PRMT2: variants seen among roughly 807,000 people sequenced by gnomAD.
PRMT2 encodes protein arginine N-methyltransferase 2.
A neutral mutation model predicts 57.6 loss-of-function variants in PRMT2; 26 were observed. The ratio of observed to expected loss-of-function variants is 0.45; its 90% CI spans 0.33 to 0.63. The LOEUF is 0.63. Ranked by LOEUF, PRMT2 falls within the 20% of genes least tolerant of loss-of-function variation. The pLI is 0.02. For missense variants in PRMT2, 472 were observed against 564.4 expected, an observed-to-expected ratio of 0.84 and a Z score of 1.66; for synonymous variants, 219 against 220.0, an observed-to-expected ratio of 1.00 and a Z score of 0.04.
chr21:46,664,551 C>T lies in PRMT2; in HGVS notation c.*224C>T, dbSNP rs374343092. 2 of 607,480 alleles carry T rather than the reference C, an allele frequency of 3.3e-6. No individual in the cohort carries two copies. Among genetic ancestry groups the T allele is most frequent in the Non-Finnish European group, 5.9e-6 (2 of 340,188 alleles). The allele number at this position is 607,480 out of a possible 1,614,324, so 37.6% of individuals were successfully genotyped here. Reference sequence around the variant, plus strand: ...GCCACCCCCGCTGCCCAGTGTCTGCCCTCTAGAAGTAGGCTGTGTTTCCAG... The same window carrying T: ...GCCACCCCCGCTGCCCAGTGTCTGCTCTCTAGAAGTAGGCTGTGTTTCCAG... On this transcript the variant is annotated 3_prime_UTR_variant, in exon 12 of 12. Coordinates refer to ENST00000355680, the MANE Select transcript of PRMT2 (RefSeq NM_206962.4).
In PRMT2 at chr21:46,649,810, A is replaced by G. The variant is rs772356526; in HGVS notation, c.654+71A>G. The G allele has an allele frequency of 1.1e-5, 18 of 1,565,874 alleles. No homozygotes were observed. The highest frequency in any genetic ancestry group is 2.4e-5 in the East Asian group (1 of 42,184). ...TCTGAGCACGGGCTCGGCTGGGCCA[A>G]CCTCAGGATCTCAAGGGTCGTGCGT... On this transcript the variant is annotated intron_variant, in intron 7 of 11. Transcript: ENST00000355680. This position sits in a 1 kb window ranked among gnomAD's most constrained non-coding sequence, Gnocchi z 4.8.
intron 3 of PRMT2, among the ~76,000 whole-genome samples, chr21:46,639,691 T>C (rs539791029): frequency 1.4e-5 from 2 of 145,122 alleles, no homozygotes; most frequent in Non-Finnish European, 3.0e-5. Flanking sequence ...TTACATAAAG[T>C]GTGTGTGTGT....
chr21:46,648,855 A>C lies in PRMT2; in HGVS notation c.489+236A>C, dbSNP rs551081025. 1.3e-5 allele frequency among the ~76,000 whole-genome samples: 2 copies of C among 152,308 alleles called. No individual in the cohort carries two copies. The highest frequency in any genetic ancestry group is 2.9e-5 in the Non-Finnish European group (2 of 68,022). On this transcript the variant is annotated intron_variant, in intron 6 of 11. Coordinates refer to ENST00000355680, the MANE Select transcript of PRMT2 (RefSeq NM_206962.4). The surrounding 1 kb of genome is among the most constrained non-coding windows in gnomAD (Gnocchi z 4.8). ...ATGAGTCGCAGACAGCACAGACGGG[A>C]GTAGGGCAGAATAGACAATATCCCG...
rs1011803112 is a variant in PRMT2 at position 46,664,500 on chromosome 21, G to A, written c.*173G>A. The stretch of plus-strand genomic sequence containing the variant: ...GTCAGGGTCCTTCACAGACAAACAC[G>A]CTTGGGCTCGGCAGGAGCTGCCGTG... On this transcript the variant is annotated 3_prime_UTR_variant, in exon 12 of 12. Transcript: ENST00000355680. 8.7e-6 allele frequency: 7 copies of A among 802,912 alleles called. No individual in the cohort carries two copies. The highest frequency in any genetic ancestry group is 5.4e-5 in the East Asian group (2 of 37,256). The allele number at this position is 802,912 out of a possible 1,614,324, so 49.7% of individuals were successfully genotyped here. A position where few individuals can be genotyped will look rare whatever the true frequency, so the allele number is the denominator to read the frequency against.
At position 46,639,088 on chromosome 21, in the gene PRMT2, C is replaced by T. The variant is rs7279185; in HGVS notation, c.39+2098C>T. Among the ~76,000 whole-genome samples, 632 of 152,196 alleles carry T rather than the reference C, an allele frequency of 4.2e-3. 4 individuals are homozygous for T. Among genetic ancestry groups the T allele is most frequent in the African/African-American group, 0.015 (604 of 41,522 alleles). On this transcript the variant is annotated intron_variant, in intron 3 of 11. Transcript: ENST00000355680. ...TCTTCAAAATATTTTCTAATATATT[C>T]AATGGAAATTAGAAGTTTTCTGGGC...
rs112879639 is a variant in PRMT2 at position 46,637,189 on chromosome 21, T to C, written c.39+199T>C. On this transcript the variant is annotated intron_variant, in intron 3 of 11. Transcript: ENST00000355680. ...AGGTGACATCCTGCATTGGGCACCATAACAATTCTAAGGAAATACTTAGCC... is the reference window on the plus strand; with the variant it reads ...AGGTGACATCCTGCATTGGGCACCACAACAATTCTAAGGAAATACTTAGCC... Among the ~76,000 whole-genome samples, 1,138 of 152,344 alleles carry C rather than the reference T, an allele frequency of 7.5e-3. 12 individuals are homozygous for C. Among genetic ancestry groups the C allele is most frequent in the Middle Eastern group, 0.014 (4 of 294 alleles).
In PRMT2 at chr21:46,638,604, T is replaced by C. The variant is rs367591599; in HGVS notation, c.39+1614T>C. 1.6e-4 allele frequency among the ~76,000 whole-genome samples: 24 copies of C among 152,332 alleles called. No homozygotes were observed. The East Asian group carries it at 4.4e-3, about 28-fold the overall frequency. On this transcript the variant is annotated intron_variant, in intron 3 of 11. Coordinates refer to ENST00000355680, the MANE Select transcript of PRMT2 (RefSeq NM_206962.4). ...TCTGTCAGTAGCCCACAATAGTGCT[T>C]ACTAACACTTGACAGTATCAGACTT...
intron 3 of PRMT2, among the ~76,000 whole-genome samples, chr21:46,638,292 T>G (rs774069059): frequency 6.6e-6 from 1 of 152,250 alleles, no homozygotes; most frequent in Non-Finnish European, 1.5e-5. Flanking sequence ...ACTCCTGTAG[T>G]GTGTTCCTTC....
In PRMT2 at chr21:46,649,757, G is replaced by A; in HGVS notation, c.654+18G>A. On this transcript the variant is annotated intron_variant, in intron 7 of 11. Coordinates refer to ENST00000355680, the MANE Select transcript of PRMT2 (RefSeq NM_206962.4). This position sits in a 1 kb window ranked among gnomAD's most constrained non-coding sequence, Gnocchi z 4.8. The stretch of plus-strand genomic sequence containing the variant: ...GCCTGCTGGTGAGGGCGGGCGTGCG[G>A]GCAGCTGGGGGCCGGAGCTGGGGGG... 1 of 1,607,406 alleles carries A rather than the reference G, an allele frequency of 6.2e-7. No individual in the cohort carries two copies. The highest frequency in any genetic ancestry group is 8.5e-7 in the Non-Finnish European group (1 of 1,176,936).
intron 8 of PRMT2, chr21:46,659,723 C>G (rs1452901014): frequency 4.1e-6 from 4 of 985,314 alleles, no homozygotes; most frequent in East Asian, 2.3e-4. Context: ...CCACCCCAGT[C>G]ACTGCCAGAG....
chr21:46,660,503 T>C (rs2061603482), intron 8 of PRMT2, among the ~76,000 whole-genome samples: 1 of 152,206 alleles, frequency 6.6e-6, no homozygotes, highest in Non-Finnish European at 1.5e-5. Flanking sequence ...TCCTCTGGGT[T>C]ATGAGGGGTG....
intron 5 of PRMT2, among the ~76,000 whole-genome samples, chr21:46,645,641 A>C (rs2061353224): frequency 6.6e-6 from 1 of 152,202 alleles, no homozygotes; most frequent in Non-Finnish European, 1.5e-5. Context: ...TGAAAGAAGG[A>C]ATAGGGCAAA....
At chr21:46,653,243 T>G (rs944362283) in intron 7 of PRMT2, 1 of 985,302 alleles carries the variant, frequency 1.0e-6, no homozygotes, top group African/African-American at 1.7e-5. Flanking sequence ...TTGTACTGTT[T>G]TATTGACTGT....
intron 7 of PRMT2, chr21:46,651,817 C>A (rs1343171036): frequency 6.2e-7 from 1 of 1,613,024 alleles, no homozygotes; most frequent in Admixed American, 1.7e-5. Flanking sequence ...CTGCGCCTCT[C>A]CTGAGCTGCC....
At position 46,661,946 on chromosome 21, in the gene PRMT2, C is replaced by T. The variant is rs370608389; in HGVS notation, c.1097+10C>T. On this transcript the variant is annotated intron_variant, in intron 10 of 11. Coordinates refer to ENST00000355680, the MANE Select transcript of PRMT2 (RefSeq NM_206962.4). ...CCGGGCCCTTCCACCCGTGAGTGTG[C>T]GGGGCGCGGGCACGGGGTGCGGGGT... The T allele has an allele frequency of 2.7e-5, 13 of 484,344 alleles. No homozygotes were observed. The South Asian group carries it at 2.7e-4, about 10-fold the overall frequency. The allele number at this position is 484,344 out of a possible 1,614,324, so 30.0% of individuals were successfully genotyped here.
rs753187692 is a variant in PRMT2, at chr21:46,637,773, A to ATGTG, written c.39+797_39+800dup. On this transcript the variant is annotated intron_variant, in intron 3 of 11. Transcript: ENST00000355680. ...TATATATGTGTGTGTATATACATAT[A>ATGTG]TGTGTGTGTGTGTGTGTATATATAT... Among the ~76,000 whole-genome samples, 3 of 151,198 alleles carry ATGTG rather than the reference A, an allele frequency of 2.0e-5. No individual in the cohort carries two copies. The East Asian group carries it at 5.8e-4, about 29-fold the overall frequency.
intron 4 of PRMT2, among the ~76,000 whole-genome samples, chr21:46,643,921 C>T (rs2061322970): frequency 6.6e-6 from 1 of 152,092 alleles, no homozygotes. Context: ...GTAAGGCTAC[C>T]AAATATATCA....
chr21:46,647,034 G>A (rs780961369), intron 5 of PRMT2, among the ~76,000 whole-genome samples: 34 of 152,268 alleles, frequency 2.2e-4, no homozygotes, highest in Admixed American at 1.5e-3. Flanking sequence ...TCACACTGAC[G>A]ATTAAGTTTC....
rs953871597 is a variant in PRMT2, at chr21:46,663,483, G to T, written c.1198G>T (p.Val400Leu). Reference protein sequence around the residue: ...TGSVVLQRNPVWRRHMSVALS... With the variant: ...TGSVVLQRNPLWRRHMSVALS... The stretch of plus-strand genomic sequence containing the variant: ...TTCAGTTGTGTTGCAGAGAAACCCA[G>T]TGTGGAGAAGGCACATGTCTGTGGC... Residue 400 changes from valine (V) to leucine (L), a missense_variant, in exon 11 of 12, where the codon GTG becomes TTG. By Grantham distance (32) the Val-to-Leu change is conservative. Transcript: ENST00000355680. 3 of 1,614,208 alleles carry T rather than the reference G, an allele frequency of 1.9e-6. No individual in the cohort carries two copies. Among genetic ancestry groups the T allele is most frequent in the East Asian group, 2.2e-5 (1 of 44,886 alleles).
Sources: allele counts gnomAD v4.1 joint callset (sites outside exome capture counted in the v4.1 genomes callset), GRCh38; gene constraint gnomAD v4.1.1; non-coding constraint Gnocchi (gnomAD v3.1); transcripts MANE v1.5; gene names NCBI Gene and HGNC (gene_info 2026-07-23, HGNC 2026-07-21).